TACC2: variants seen among roughly 807,000 people sequenced by gnomAD.
TACC2 encodes the protein transforming acidic coiled-coil-containing protein 2.
Under a neutral mutation model 227.3 loss-of-function variants are expected in TACC2, and 137 were observed. The observed-to-expected ratio is 0.60, with a 90% CI of 0.52 to 0.69. The LOEUF (loss-of-function observed/expected upper bound fraction) is 0.69, where lower values mean the gene tolerates loss of function less well. Among genes scored for constraint, TACC2 ranks in the 30% least tolerant of loss-of-function variants. The pLI is 0.00. For missense variants in TACC2, 3,470 were observed against 3,694.4 expected (o/e 0.94, Z 1.57); for synonymous variants, 1,523 against 1,487.5 (o/e 1.02, Z -0.55).
intron 7 of TACC2, among the ~76,000 whole-genome samples, chr10:122,170,714 C>T (rs2093427227): frequency 6.6e-6 from 1 of 152,192 alleles, no homozygotes; most frequent in Admixed American, 6.5e-5. Context: ...TGCTTTTAGT[C>T]TAAAATCCAA....
At chr10:122,026,668 C>T (rs146148102) in intron 2 of TACC2, among the ~76,000 whole-genome samples, 1 of 150,106 alleles carries the variant, frequency 6.7e-6, no homozygotes, top group Non-Finnish European at 1.5e-5. Context: ...AACCATGAAT[C>T]TTTTTACTGT....
intron 3 of TACC2, among the ~76,000 whole-genome samples, chr10:122,066,952 A>T (rs1346631357): frequency 6.6e-6 from 1 of 152,228 alleles, no homozygotes; most frequent in Admixed American, 6.5e-5. Context: ...GAAGAGGCTT[A>T]CAACAATATG....
chr10:122,076,234 C>G (rs924045541), intron 3 of TACC2, among the ~76,000 whole-genome samples: 9 of 152,120 alleles, frequency 5.9e-5, no homozygotes, highest in Admixed American at 5.9e-4. Flanking sequence ...AATGAGCATA[C>G]TAGCTCAAGT....
At position 122,085,536 on chromosome 10, in the gene TACC2, A is replaced by G. The variant is rs1316483501; in HGVS notation, c.3036A>G (p.Gln1012=). The change falls in exon 4 of 23, where the codon CAA becomes CAG. Residue 1012 remains glutamine (Q), a synonymous_variant. Transcript: ENST00000369005. ...EEGSQHEEAC[Q]RHPGASEAAD... is the part of the protein sequence containing the mutation. ...GCAGCCAGCATGAAGAAGCATGTCA[A>G]AGGCATCCAGGAGCTTCTGAAGCAG... 3 of 1,613,300 alleles carry G rather than the reference A, an allele frequency of 1.9e-6. No individual in the cohort carries two copies. Among genetic ancestry groups the G allele is most frequent in the Non-Finnish European group, 2.5e-6 (3 of 1,180,050 alleles).
chr10:122,005,343 C>T (rs1402199149), intron 1 of TACC2, among the ~76,000 whole-genome samples: 1 of 149,772 alleles, frequency 6.7e-6, no homozygotes, highest in African/African-American at 2.5e-5. Context: ...CTCGGCCTCC[C>T]AAAGTGCTGG....
Position 122,086,443 on chromosome 10 carries a change from A to T in TACC2, c.3943A>T (p.Lys1315Ter). The change falls in exon 4 of 23, where the codon AAA becomes TAA. Residue 1315 changes from lysine (K) to a stop codon, truncating the protein, a stop_gained. Transcript: ENST00000369005. LOFTEE classifies it high-confidence loss of function. ...AGTGCAAGCCAGCAGTGGTAGTCCCAAAGCCAGAACCACTGAGGGACCAGT... is the reference window on the plus strand; with the variant it reads ...AGTGCAAGCCAGCAGTGGTAGTCCCTAAGCCAGAACCACTGAGGGACCAGT... The part of the protein sequence containing the change: ...PAVQASSGSP[K>*]ARTTEGPVDS... 1 of 1,613,892 alleles carries T rather than the reference A, an allele frequency of 6.2e-7. No individual in the cohort carries two copies. Among genetic ancestry groups the T allele is most frequent in the Non-Finnish European group, 8.5e-7 (1 of 1,180,034 alleles).
At chr10:122,065,033 T>C (rs192759239) in intron 3 of TACC2, among the ~76,000 whole-genome samples, 14 of 152,288 alleles carry the variant, frequency 9.2e-5, no homozygotes, top group Admixed American at 6.5e-4. Context: ...TGGAAGCAAA[T>C]AGTATGTATG....
intron 2 of TACC2, among the ~76,000 whole-genome samples, chr10:122,044,975 G>A (rs996245227): frequency 1.3e-5 from 2 of 152,060 alleles, no homozygotes; most frequent in African/African-American, 2.4e-5. Flanking sequence ...TTGCAGTGAC[G>A]CCTGCTGACA....
At chr10:122,082,284 G>A (rs1226155656) in intron 3 of TACC2, among the ~76,000 whole-genome samples, 1 of 152,066 alleles carries the variant, frequency 6.6e-6, no homozygotes, top group Non-Finnish European at 1.5e-5. Flanking sequence ...CCTCAGCCTG[G>A]GTGACAGGGC....
chr10:121,991,085 C>G lies in TACC2; in HGVS notation c.-46+1597C>G, dbSNP rs1388946788. Among the ~76,000 whole-genome samples, 3 of 152,334 alleles carry G rather than the reference C, an allele frequency of 2.0e-5. No homozygotes were observed. The East Asian group carries it at 5.8e-4, about 29-fold the overall frequency. ...ACAGGTATGAGCCACTACGCCTCAT[C>G]TGGACCTACTTGTTTTTAAAAATGC... On this transcript the variant is annotated intron_variant, in intron 1 of 22. Coordinates refer to ENST00000369005, the MANE Select transcript of TACC2 (RefSeq NM_206862.4).
chr10:122,072,449 G>A (rs939663784), intron 3 of TACC2, among the ~76,000 whole-genome samples: 3 of 152,196 alleles, frequency 2.0e-5, no homozygotes, highest in African/African-American at 7.2e-5. Context: ...GGCTTCTGTG[G>A]GGAGGGTTGT....
chr10:122,019,304 C>CA (rs1278440602), intron 1 of TACC2, among the ~76,000 whole-genome samples: 2 of 152,240 alleles, frequency 1.3e-5, no homozygotes, highest in Admixed American at 1.3e-4. Context: ...ACTGCCGCGT[C>CA]ATCACATTTT....
intron 5 of TACC2, among the ~76,000 whole-genome samples, chr10:122,112,816 G>A (rs1466825368): frequency 2.6e-5 from 4 of 152,118 alleles, no homozygotes; most frequent in African/African-American, 9.7e-5. Context: ...CCATCGGTCC[G>A]TGCGTCTCTC....
chr10:122,223,053 C>CT (rs35098612), intron 11 of TACC2, among the ~76,000 whole-genome samples: 4,888 of 93,992 alleles, frequency 0.052, 373 homozygotes, highest in African/African-American at 0.15. Flanking sequence ...CTCTCTCTCT[C>CT]TTTTTTTTTT....
Position 122,220,252 on chromosome 10 carries a change from A to T in TACC2, c.7546+3424A>T, listed in dbSNP as rs61447050. ...TCTTCTACATTGTACTAAAACAGAC[A>T]ACTTACTAGCTGAGTGACATATTTG... On this transcript the variant is annotated intron_variant, in intron 11 of 22. Coordinates refer to ENST00000369005, the MANE Select transcript of TACC2 (RefSeq NM_206862.4). 7.4e-3 allele frequency among the ~76,000 whole-genome samples: 1,123 copies of T among 152,322 alleles called. 19 individuals are homozygous for T. The highest frequency in any genetic ancestry group is 0.026 in the African/African-American group (1,074 of 41,564).
intron 1 of TACC2, among the ~76,000 whole-genome samples, chr10:122,009,036 A>AT (rs1240285097): frequency 6.6e-6 from 1 of 152,140 alleles, no homozygotes; most frequent in Non-Finnish European, 1.5e-5. Context: ...TGCCCTCTGT[A>AT]TTGTCCCAAC....
chr10:122,233,009 G>A (rs1382326281), intron 16 of TACC2, among the ~76,000 whole-genome samples: 2 of 152,160 alleles, frequency 1.3e-5, no homozygotes, highest in Admixed American at 1.3e-4. Flanking sequence ...GTGATTTTCC[G>A]GTTGTTCCCT....
At chr10:122,168,599 A>G (rs1276973378) in intron 7 of TACC2, among the ~76,000 whole-genome samples, 1 of 152,118 alleles carries the variant, frequency 6.6e-6, no homozygotes, top group Non-Finnish European at 1.5e-5. Flanking sequence ...GGTAGCTACC[A>G]ATCATCCAAG....
chr10:122,137,822 G>A (rs1439786262), intron 6 of TACC2, among the ~76,000 whole-genome samples: 5 of 152,262 alleles, frequency 3.3e-5, no homozygotes, highest in South Asian at 4.1e-4. Flanking sequence ...TTGTCCAGGC[G>A]CTTGCTTTTC....
Sources: allele counts gnomAD v4.1 joint callset (sites outside exome capture counted in the v4.1 genomes callset), GRCh38; gene constraint gnomAD v4.1.1; transcripts MANE v1.5; gene names NCBI Gene and HGNC (gene_info 2026-07-23, HGNC 2026-07-21).